GRIA1: variants seen among roughly 807,000 people sequenced by gnomAD.
GRIA1 encodes the protein glutamate receptor 1.
In GRIA1, 31 loss-of-function variants were observed where a neutral mutation model predicts 99.2. That is an observed-to-expected ratio of 0.31 (90% CI 0.23 to 0.42). The LOEUF is 0.42. GRIA1 is among the 10% of genes least tolerant of loss of function. The pLI, the probability that GRIA1 is intolerant of heterozygous loss-of-function variation, is 1.00. For synonymous variants in GRIA1, 438 were observed against 432.4 expected (o/e 1.01, Z -0.16); for missense variants, 782 against 1,157.5 (o/e 0.68, Z 4.71).
chr5:153,764,230 CCCACAGAT>C (rs1175526478), intron 11 of GRIA1, among the ~76,000 whole-genome samples, 196 bp from the exon 12 acceptor site: 1 of 152,168 alleles, frequency 6.6e-6, no homozygotes, highest in Non-Finnish European at 1.5e-5. Flanking sequence ...GGACAGCAAC[CCCACAGAT>C]CCATGTCCGT....
Position 153,812,314 on chromosome 5 carries a change from A to G in GRIA1, c.*1089A>G, listed in dbSNP as rs912770107. ...CTAAGTGTAAAAGAAAAGTGACAGA[A>G]TAATTTTGGAAGAGGAAGCCTCATC... On this transcript the variant is annotated 3_prime_UTR_variant, in exon 16 of 16. Transcript: ENST00000285900. 5.3e-5 allele frequency: 8 copies of G among 152,192 alleles called. No homozygotes were observed. Among genetic ancestry groups the G allele is most frequent in the African/African-American group, 1.9e-4 (8 of 41,434 alleles). The allele number at this position is 152,192 out of a possible 1,614,324, so 9.4% of individuals were successfully genotyped here.
chr5:153,523,429 A>G (rs79981830), intron 2 of GRIA1, among the ~76,000 whole-genome samples: 2 of 152,090 alleles, frequency 1.3e-5, no homozygotes, highest in South Asian at 4.1e-4. Context: ...AAATGATTTC[A>G]TTCAGGGCTG....
chr5:153,568,988 T>TC (rs149614674), intron 2 of GRIA1, among the ~76,000 whole-genome samples: 3,769 of 152,284 alleles, frequency 0.025, 96 homozygotes, highest in African/African-American at 0.059. Flanking sequence ...AAATCCCACT[T>TC]CCATCAGTGA....
chr5:153,578,934 G>T lies in GRIA1; in HGVS notation c.221-67994G>T, dbSNP rs189666628. Among the ~76,000 whole-genome samples the T allele has an allele frequency of 4.7e-3, 712 of 152,094 alleles. 3 individuals carry two copies. Among genetic ancestry groups the T allele is most frequent in the African/African-American group, 0.016 (666 of 41,502 alleles). On this transcript the variant is annotated intron_variant, in intron 2 of 15. Transcript: ENST00000285900. The stretch of plus-strand genomic sequence containing the variant: ...AAAATAAATAAATAAATAAATAAAA[G>T]AATTTCGCCCAGTCACTGAACTTCT...
rs559613227 is a variant in GRIA1, at chr5:153,561,734, C to T, written c.220+67669C>T. ...CTCAGTATAGGAGAATTGTATTATT[C>T]TTACCATCATCACCATCACCACCAT... On this transcript the variant is annotated intron_variant, in intron 2 of 15. Coordinates refer to ENST00000285900, the MANE Select transcript of GRIA1 (RefSeq NM_000827.4). Among the ~76,000 whole-genome samples the T allele has an allele frequency of 9.2e-5, 14 of 152,266 alleles. 1 individual carries two copies. In the South Asian group the frequency reaches 2.9e-3, roughly 32 times the overall value.
intron 1 of GRIA1, chr5:153,491,235 C>T (rs530680159): frequency 7.9e-5 from 103 of 1,300,554 alleles, no homozygotes; most frequent in Non-Finnish European, 9.7e-5. Context: ...GAGGAACCAT[C>T]GCTTTGGAGG....
At chr5:153,712,698 G>A (rs1168575370) in intron 11 of GRIA1, among the ~76,000 whole-genome samples, 1 of 152,166 alleles carries the variant, frequency 6.6e-6, no homozygotes, top group Non-Finnish European at 1.5e-5. Flanking sequence ...AAATGCAAAC[G>A]TCATTTAGGC....
chr5:153,784,782 C>T (rs993320373), intron 13 of GRIA1, among the ~76,000 whole-genome samples: 3 of 152,188 alleles, frequency 2.0e-5, no homozygotes, highest in Non-Finnish European at 2.9e-5. Flanking sequence ...ATGGTCCACA[C>T]AGCCAGTGAT....
At chr5:153,570,302 T>G (rs1432368687) in intron 2 of GRIA1, among the ~76,000 whole-genome samples, 1 of 152,252 alleles carries the variant, frequency 6.6e-6, no homozygotes, top group African/African-American at 2.4e-5. Flanking sequence ...ATTTAGATGC[T>G]AATTGGCTTT....
intron 2 of GRIA1, among the ~76,000 whole-genome samples, chr5:153,607,167 A>G (rs1765531306): frequency 6.6e-6 from 1 of 151,116 alleles, no homozygotes; most frequent in African/African-American, 2.4e-5. Flanking sequence ...TGCATGTGCA[A>G]GTATCTTTTT....
At chr5:153,535,922 T>A (rs978783150) in intron 2 of GRIA1, among the ~76,000 whole-genome samples, 2 of 152,208 alleles carry the variant, frequency 1.3e-5, no homozygotes, top group African/African-American at 4.8e-5. Flanking sequence ...TGGCAGGAAA[T>A]ACCGACAGCA....
intron 2 of GRIA1, among the ~76,000 whole-genome samples, chr5:153,537,138 C>A (rs544297476): frequency 6.6e-6 from 1 of 152,322 alleles, no homozygotes; most frequent in South Asian, 2.1e-4. Context: ...AAGATACCTG[C>A]TGTCCCCTCT....
intron 2 of GRIA1, among the ~76,000 whole-genome samples, chr5:153,583,617 T>C (rs921724257): frequency 1.3e-5 from 2 of 152,194 alleles, no homozygotes; most frequent in Non-Finnish European, 2.9e-5. Flanking sequence ...ACATCCTAAC[T>C]TTTTATGTCT....
intron 2 of GRIA1, among the ~76,000 whole-genome samples, chr5:153,528,092 G>A (rs1033268776): frequency 5.3e-5 from 8 of 152,082 alleles, no homozygotes; most frequent in African/African-American, 9.7e-5. Context: ...TTATGCTTGC[G>A]AAAATGTGTA....
chr5:153,756,295 C>A (rs1430076750), intron 11 of GRIA1, among the ~76,000 whole-genome samples: 4 of 151,980 alleles, frequency 2.6e-5, no homozygotes, highest in African/African-American at 7.2e-5. Flanking sequence ...GAAACTCCCC[C>A]ACCCATGCAG....
chr5:153,704,505 C>T (rs1460710860), intron 10 of GRIA1, among the ~76,000 whole-genome samples: 1 of 152,182 alleles, frequency 6.6e-6, no homozygotes, highest in Admixed American at 6.5e-5. Context: ...TGCTGGGTGC[C>T]TAAGGATGAA....
intron 3 of GRIA1, among the ~76,000 whole-genome samples, chr5:153,647,644 A>G (rs1413964311): frequency 6.6e-6 from 1 of 152,224 alleles, no homozygotes; most frequent in African/African-American, 2.4e-5. Flanking sequence ...TGAGATGACT[A>G]TGAAGTGTTC....
chr5:153,713,688 G>T (rs1166676299), intron 11 of GRIA1, among the ~76,000 whole-genome samples: 3 of 152,226 alleles, frequency 2.0e-5, no homozygotes, highest in African/African-American at 7.2e-5. Context: ...CCATCAGCAA[G>T]GGGGAAGCAT....
chr5:153,795,089 GC>G (rs967663635), intron 14 of GRIA1, among the ~76,000 whole-genome samples: 3 of 152,034 alleles, frequency 2.0e-5, no homozygotes, highest in Non-Finnish European at 2.9e-5. Context: ...TTTTCAAAGG[GC>G]CTGCTCTGGA....
Sources: allele counts gnomAD v4.1 joint callset (sites outside exome capture counted in the v4.1 genomes callset), GRCh38; gene constraint gnomAD v4.1.1; transcripts MANE v1.5; gene names NCBI Gene and HGNC (gene_info 2026-07-23, HGNC 2026-07-21).